The following TMPRSS12 variants were observed in gnomAD, a reference collection of about 807,000 sequenced individuals.
The protein encoded by TMPRSS12 is transmembrane serine protease 12, also known as transmembrane protease serine 12.
TMPRSS12 carries 25 observed loss-of-function variants against 26.0 expected under a neutral mutation model. The ratio of observed to expected loss-of-function variants is 0.96; its 90% confidence interval spans 0.70 to 1.34. The LOEUF is 1.34. Among genes scored for constraint, TMPRSS12 ranks in the 40% most tolerant of loss-of-function variants. The pLI is 0.00. For missense variants in TMPRSS12, 441 were observed against 440.1 expected, an observed-to-expected ratio of 1.00 and a Z score of -0.02; for synonymous variants, 150 against 161.7, an observed-to-expected ratio of 0.93 and a Z score of 0.55.
intron 3 of TMPRSS12, among the ~76,000 whole-genome samples, chr12:50,880,352 T>TAC (rs1938151646): frequency 1.3e-5 from 2 of 152,198 alleles, no homozygotes; most frequent in South Asian, 4.1e-4. Context: ...ATCGCTGTAC[T>TAC]ACACTCCAGC....
Position 50,864,816 on chromosome 12 carries a change from C to A in TMPRSS12, c.652+5763C>A, listed in dbSNP as rs570725208. 1.3e-4 allele frequency among the ~76,000 whole-genome samples: 20 copies of A among 152,076 alleles called. No individual in the cohort carries two copies. In the South Asian group the frequency reaches 3.9e-3, roughly 30 times the overall value. On this transcript the variant is annotated intron_variant, in intron 3 of 4. Coordinates refer to ENST00000398458, the MANE Select transcript of TMPRSS12 (RefSeq NM_182559.3). The stretch of plus-strand genomic sequence containing the variant: ...GGGACTACAGGCGCCCACCACCACA[C>A]CCAGCTAATTTTTTGTGTGTTTTTA...
chr12:50,880,173 G>C (rs1363465679), intron 3 of TMPRSS12, among the ~76,000 whole-genome samples: 1 of 152,028 alleles, frequency 6.6e-6, no homozygotes, highest in Non-Finnish European at 1.5e-5. Context: ...AAGGTGAAAG[G>C]ATCACTTGCA....
intron 2 of TMPRSS12, among the ~76,000 whole-genome samples, chr12:50,850,264 A>T (rs1369072191): frequency 6.6e-6 from 1 of 152,040 alleles, no homozygotes; most frequent in Non-Finnish European, 1.5e-5. Context: ...GTGAGTTCTC[A>T]TGAGATCTGT....
intron 2 of TMPRSS12, among the ~76,000 whole-genome samples, chr12:50,853,581 C>CAAAAAAAAAAAAAAA (rs34657217): frequency 2.0e-5 from 2 of 102,396 alleles, no homozygotes; most frequent in African/African-American, 3.6e-5. Context: ...GCTAGACTAA[C>CAAAAAAAAAAAAAAA]AAAAAAAAAA....
At chr12:50,853,776 A>G (rs963087777) in intron 2 of TMPRSS12, among the ~76,000 whole-genome samples, 1 of 152,170 alleles carries the variant, frequency 6.6e-6, no homozygotes, top group Non-Finnish European at 1.5e-5. Flanking sequence ...AAATAGAACC[A>G]GGAAGAAATT....
At chr12:50,881,758 C>A (rs1938165244) in intron 3 of TMPRSS12, among the ~76,000 whole-genome samples, 1 of 151,020 alleles carries the variant, frequency 6.6e-6, no homozygotes, top group Non-Finnish European at 1.5e-5. Flanking sequence ...ATCACGAGGT[C>A]AAGAGTCCGA....
At chr12:50,884,817 A>G (rs1200621459) in intron 3 of TMPRSS12, among the ~76,000 whole-genome samples, 1 of 151,772 alleles carries the variant, frequency 6.6e-6, no homozygotes, top group East Asian at 1.9e-4. Flanking sequence ...GGTTGTAGTG[A>G]GCCGAGATCA....
intron 3 of TMPRSS12, among the ~76,000 whole-genome samples, chr12:50,861,442 A>G (rs1225015230): frequency 2.6e-5 from 4 of 152,036 alleles, no homozygotes; most frequent in East Asian, 1.9e-4. Flanking sequence ...GGAAAGCAAC[A>G]TGGTGTAGGG....
At chr12:50,882,740 T>C (rs1938188389) in intron 3 of TMPRSS12, among the ~76,000 whole-genome samples, 1 of 24,650 alleles carries the variant, frequency 4.1e-5, no homozygotes, top group Non-Finnish European at 1.0e-4. Context: ...AAATCCTCTA[T>C]AGTCCTATAG....
intron 3 of TMPRSS12, among the ~76,000 whole-genome samples, chr12:50,861,251 T>G (rs1393402514): frequency 1.3e-5 from 2 of 152,238 alleles, no homozygotes; most frequent in Non-Finnish European, 2.9e-5. Context: ...ATCATTGTCC[T>G]GTTAGGAATA....
chr12:50,881,029 C>G (rs1285443008), intron 3 of TMPRSS12, among the ~76,000 whole-genome samples: 5 of 123,086 alleles, frequency 4.1e-5, no homozygotes, highest in African/African-American at 1.6e-4. Context: ...GTTGCCCAGG[C>G]TGTGTACCAT....
In TMPRSS12 at chr12:50,847,057, C is replaced by CTCT. The variant is rs1555205380; in HGVS notation, c.383+3021_383+3022insCTT. ...ATAGGGATTGCATTCAGTCTAAAAA[C>CTCT]TTTTTTTTTTTTTTTTTTTGAGACG... On this transcript the variant is annotated intron_variant, in intron 2 of 4. Coordinates refer to ENST00000398458, the MANE Select transcript of TMPRSS12 (RefSeq NM_182559.3). Among the ~76,000 whole-genome samples the CTCT allele has an allele frequency of 2.5e-3, 270 of 109,902 alleles. 11 individuals are homozygous for CTCT. The highest frequency in any genetic ancestry group is 8.7e-3 in the African/African-American group (225 of 25,784). 72.1% of individuals were successfully genotyped at this position (109,902 alleles called of 152,430 possible).
intron 3 of TMPRSS12, among the ~76,000 whole-genome samples, chr12:50,879,202 A>AAG (rs1565937365): frequency 6.6e-6 from 1 of 152,236 alleles, no homozygotes; most frequent in Non-Finnish European, 1.5e-5. Flanking sequence ...CTACAGTTGC[A>AAG]AGACTTCTAG....
chr12:50,861,384 T>G (rs1937932740), intron 3 of TMPRSS12, among the ~76,000 whole-genome samples: 1 of 24,866 alleles, frequency 4.0e-5, no homozygotes, highest in Non-Finnish European at 1.2e-3. Context: ...TGAATTATTA[T>G]TTTTCTTTTT....
At chr12:50,864,237 C>T (rs1472983708) in intron 3 of TMPRSS12, among the ~76,000 whole-genome samples, 2 of 152,150 alleles carry the variant, frequency 1.3e-5, no homozygotes, top group Admixed American at 6.5e-5. Flanking sequence ...AAGATTTGAT[C>T]CTGACAACAT....
In TMPRSS12 at chr12:50,847,308, CG is replaced by C. The variant is rs374493138; in HGVS notation, c.383+3273del. ...TCCTGACCTCGTGATCCGCCCGTCT[CG>C]GCCTCCCAAAGTGCTGGGATTACAG... On this transcript the variant is annotated intron_variant, in intron 2 of 4. Transcript: ENST00000398458. Among the ~76,000 whole-genome samples, 35 of 151,848 alleles carry C rather than the reference CG, an allele frequency of 2.3e-4. No individual in the cohort carries two copies. The East Asian group carries it at 4.1e-3, about 18-fold the overall frequency.
At chr12:50,862,481 C>T (rs1368250649) in intron 3 of TMPRSS12, among the ~76,000 whole-genome samples, 2 of 151,976 alleles carry the variant, frequency 1.3e-5, no homozygotes, top group Admixed American at 1.3e-4. Context: ...TGGAGTCTGT[C>T]CCATGGCTAT....
At chr12:50,879,027 C>T (rs934144751) in intron 3 of TMPRSS12, among the ~76,000 whole-genome samples, 1 of 152,236 alleles carries the variant, frequency 6.6e-6, no homozygotes, top group Admixed American at 6.5e-5. Flanking sequence ...GACACCGAAT[C>T]TGCCAGTGCC....
intron 2 of TMPRSS12, among the ~76,000 whole-genome samples, chr12:50,850,889 A>G (rs561432202): frequency 6.6e-6 from 1 of 152,304 alleles, no homozygotes; most frequent in East Asian, 1.9e-4. Flanking sequence ...GTACAAAGCC[A>G]TGAGCCTGTC....
Sources: allele counts gnomAD v4.1 joint callset (sites outside exome capture counted in the v4.1 genomes callset), GRCh38; gene constraint gnomAD v4.1.1; transcripts MANE v1.5; gene names NCBI Gene and HGNC (gene_info 2026-07-23, HGNC 2026-07-21).